WDR4: variants seen among roughly 807,000 people sequenced by gnomAD.
The protein encoded by WDR4 is WDR4 tRNA N7-guanosine methyltransferase non-catalytic subunit, also known as tRNA (guanine-N(7)-)-methyltransferase non-catalytic subunit WDR4.
Under a neutral mutation model 48.6 loss-of-function variants are expected in WDR4, and 47 were observed. That is an observed-to-expected ratio of 0.97 (90% CI 0.77 to 1.23). The LOEUF is 1.23. Among genes scored for constraint, WDR4 ranks in the 50% most tolerant of loss-of-function variants. WDR4 has a pLI of 0.00. For synonymous variants in WDR4, 268 were observed against 230.0 expected, an observed-to-expected ratio of 1.17 and a Z score of -1.49; for missense variants, 606 against 551.6, an observed-to-expected ratio of 1.10 and a Z score of -0.99.
the WDR4 span, among the ~76,000 whole-genome samples, chr21:42,889,070 T>A: frequency 6.8e-6 from 1 of 146,070 alleles, no homozygotes; most frequent in South Asian, 2.2e-4. Flanking sequence ...TATATATAGA[T>A]TGAAATTGTT....
downstream of WDR4, among the ~76,000 whole-genome samples, chr21:42,845,510 T>C (rs2057703373): frequency 6.6e-6 from 1 of 152,176 alleles, no homozygotes; most frequent in Non-Finnish European, 1.5e-5. Flanking sequence ...TGCGGCACAT[T>C]TCCCCCAGGG....
chr21:42,889,942 G>A, the WDR4 span, among the ~76,000 whole-genome samples: 1 of 152,058 alleles, frequency 6.6e-6, no homozygotes, highest in Admixed American at 6.6e-5. Flanking sequence ...TTAGGCCCAT[G>A]TGCAATGGCT....
chr21:42,864,126 A>AG (rs1209547181), intron 3 of WDR4, among the ~76,000 whole-genome samples: 2 of 144,232 alleles, frequency 1.4e-5, no homozygotes, highest in Non-Finnish European at 3.0e-5. Context: ...AAAAAAAAAA[A>AG]AAAAGAAAAG....
the WDR4 span, among the ~76,000 whole-genome samples, chr21:42,891,472 C>T: frequency 5.3e-5 from 8 of 152,090 alleles, no homozygotes; most frequent in African/African-American, 1.9e-4. Context: ...ATGTCAACAT[C>T]TGCCGCATGT....
chr21:42,891,819 T>G, the WDR4 span, among the ~76,000 whole-genome samples: 1 of 151,448 alleles, frequency 6.6e-6, no homozygotes, highest in African/African-American at 2.4e-5. Flanking sequence ...TAGCCGGGCG[T>G]GGTGGCTCAT....
intron 10 of WDR4, 150 bp from the exon 11 acceptor site, chr21:42,850,392 G>T: frequency 1.6e-6 from 1 of 628,782 alleles, no homozygotes; most frequent in Non-Finnish European, 2.6e-6. Flanking sequence ...GCTCCCCACG[G>T]TGCCCACCTC....
intron 2 of WDR4, among the ~76,000 whole-genome samples, chr21:42,875,472 T>G (rs779308697): frequency 2.6e-5 from 4 of 152,098 alleles, no homozygotes; most frequent in Admixed American, 6.5e-5. Flanking sequence ...GGAGAACCAC[T>G]TAAACCAGGG....
In WDR4 at chr21:42,855,833, T is replaced by C. The variant is rs1364017311; in HGVS notation, c.628-53A>G. 4 of 1,438,214 alleles carry C rather than the reference T, an allele frequency of 2.8e-6. No homozygotes were observed. The East Asian group carries it at 7.6e-5, about 27-fold the overall frequency. The allele number at this position is 1,438,214 out of a possible 1,614,324, so 89.1% of individuals were successfully genotyped here. A position where few individuals can be genotyped will look rare whatever the true frequency, so the allele number is the denominator to read the frequency against. On this transcript the variant is annotated intron_variant, in intron 6 of 10. Coordinates refer to ENST00000398208, the MANE Select transcript of WDR4 (RefSeq NM_018669.6). ...ACATGGTTGTGGGGCTTCCGTCAGG[T>C]AGGGTGACAGAGAGGACAGCTGCGT...
intron 6 of WDR4, among the ~76,000 whole-genome samples, chr21:42,857,377 CCA>C (rs35873629): frequency 0.056 from 8,487 of 152,138 alleles, 312 homozygotes; most frequent in East Asian, 0.15. Flanking sequence ...GGGCTGCTGC[CCA>C]CAGACACCTG....
rs1454239423 is a variant in WDR4 at position 42,862,998 on chromosome 21, C to T, written c.453+442G>A. Among the ~76,000 whole-genome samples the T allele has an allele frequency of 6.6e-6, 1 of 152,176 alleles. No individual in the cohort carries two copies. The highest frequency in any genetic ancestry group is 1.5e-5 in the Non-Finnish European group (1 of 68,002). On this transcript the variant is annotated intron_variant, in intron 4 of 10. Coordinates refer to ENST00000398208, the MANE Select transcript of WDR4 (RefSeq NM_018669.6). This position sits in a 1 kb window ranked among gnomAD's most constrained non-coding sequence, Gnocchi z 4.3. ...GAGCAGTGCTGAGGTGATGCTCCTA[C>T]AGCACCTGGCACAGCTCCCGGCCAA...
the WDR4 span, among the ~76,000 whole-genome samples, chr21:42,888,196 C>A: frequency 1.9e-3 from 295 of 152,242 alleles, 3 homozygotes; most frequent in Admixed American, 3.8e-3. Context: ...CCCATCTATG[C>A]CCTACAAGTG....
At chr21:42,887,876 C>T in the WDR4 span, among the ~76,000 whole-genome samples, 3 of 151,726 alleles carry the variant, frequency 2.0e-5, no homozygotes, top group South Asian at 2.1e-4. Context: ...GAGCCAAGAT[C>T]GTGCTACTGC....
In WDR4 at chr21:42,859,531, T is replaced by C. The variant is rs1602717254; in HGVS notation, c.627+131A>G. On this transcript the variant is annotated intron_variant, in intron 6 of 10. Transcript: ENST00000398208. Reference sequence around the variant, plus strand: ...GCGGGGAGCGAGCCGCAGGCAGCTCTAAGATCTAGTGGACAGCCACAGCCA... The same window carrying C: ...GCGGGGAGCGAGCCGCAGGCAGCTCCAAGATCTAGTGGACAGCCACAGCCA... 9.0e-6 allele frequency: 7 copies of C among 774,166 alleles called. No homozygotes were observed. In the East Asian group the frequency reaches 1.7e-4, roughly 19 times the overall value. The allele number at this position is 774,166 out of a possible 1,614,324, so 48.0% of individuals were successfully genotyped here. A position where few individuals can be genotyped will look rare whatever the true frequency, so the allele number is the denominator to read the frequency against.
intron 3 of WDR4, among the ~76,000 whole-genome samples, chr21:42,863,884 A>C (rs1326297604): frequency 1.4e-5 from 2 of 142,770 alleles, no homozygotes; most frequent in African/African-American, 2.8e-5. Flanking sequence ...AGGTGGGTGG[A>C]TCACAAGGTC....
chr21:42,873,255 A>G (rs944804656), intron 3 of WDR4, among the ~76,000 whole-genome samples: 3 of 152,310 alleles, frequency 2.0e-5, no homozygotes. Flanking sequence ...CTGTAGGTGG[A>G]GGGACCAGCA....
the WDR4 span, among the ~76,000 whole-genome samples, chr21:42,888,385 C>T: frequency 6.6e-5 from 10 of 152,072 alleles, no homozygotes; most frequent in Non-Finnish European, 1.5e-4. Context: ...ATGGTGAAAC[C>T]CTGTCTCTAC....
chr21:42,872,203 C>T (rs1256743926), intron 3 of WDR4, among the ~76,000 whole-genome samples: 2 of 152,104 alleles, frequency 1.3e-5, no homozygotes, highest in Non-Finnish European at 2.9e-5. Context: ...AGGCTAGTCT[C>T]GAACTCCTAA....
intron 1 of WDR4, chr21:42,878,962 CTCGCAGTGAGT>C (rs1352494609): frequency 3.0e-6 from 3 of 993,084 alleles, no homozygotes; most frequent in South Asian, 4.6e-5. Context: ...GGTCAGTGAG[CTCGCAGTGAGT>C]AAGCCCCTCC....
At chr21:42,886,497 C>T in the WDR4 span, among the ~76,000 whole-genome samples, 1 of 152,168 alleles carries the variant, frequency 6.6e-6, no homozygotes, top group Non-Finnish European at 1.5e-5. Flanking sequence ...GTTCACACGT[C>T]CAGCAGTTTT....
Sources: gnomAD v4.1 joint callset for allele counts (sites outside exome capture counted in the v4.1 genomes callset) on GRCh38, gnomAD v4.1.1 for gene constraint, Gnocchi (gnomAD v3.1) non-coding constraint, MANE v1.5 for transcripts, NCBI Gene and HGNC (gene_info 2026-07-23, HGNC 2026-07-21) for gene names.